RUFY1: variants seen among roughly 807,000 people sequenced by gnomAD.
The protein encoded by RUFY1 is RUN and FYVE domain-containing protein 1.
RUFY1 carries 54 observed loss-of-function variants against 94.6 expected under a neutral mutation model. That is an observed-to-expected ratio of 0.57 (90% CI 0.46 to 0.72). The LOEUF is 0.72. RUFY1 is among the 30% of genes least tolerant of loss of function. The pLI is 0.00. For missense variants in RUFY1, 883 were observed against 883.9 expected, an observed-to-expected ratio of 1.00 and a Z score of 0.01; for synonymous variants, 396 against 347.3, an observed-to-expected ratio of 1.14 and a Z score of -1.56.
intron 11 of RUFY1, among the ~76,000 whole-genome samples, 164 bp downstream of exon 11, chr5:179,593,809 G>C (rs1334886511): frequency 6.6e-6 from 1 of 152,162 alleles, no homozygotes; most frequent in Non-Finnish European, 1.5e-5. Context: ...CAGTCCCTGA[G>C]AAATGGGGGG....
At chr5:179,606,360 G>A (rs1447400602) in intron 16 of RUFY1, 2 of 184,644 alleles carry the variant, frequency 1.1e-5, no homozygotes, top group Non-Finnish European at 2.2e-5. Flanking sequence ...CCAGGTTTCC[G>A]CACCCTGGTG....
At chr5:179,580,274 G>A (rs1581482684) in intron 6 of RUFY1, among the ~76,000 whole-genome samples, 1 of 109,992 alleles carries the variant, frequency 9.1e-6, no homozygotes, top group South Asian at 2.8e-4. Context: ...ACGGAGTCTC[G>A]CTCTGTCGCC....
At chr5:179,601,282 C>T (rs1278009430) in intron 14 of RUFY1, among the ~76,000 whole-genome samples, 4 of 151,946 alleles carry the variant, frequency 2.6e-5, no homozygotes, top group Non-Finnish European at 5.9e-5. Context: ...AGTTCTCTTG[C>T]CTCAGCCTCC....
chr5:179,585,977 CT>C, intron 8 of RUFY1, 112 bp downstream of exon 8: 1 of 819,116 alleles, frequency 1.2e-6, no homozygotes, highest in Non-Finnish European at 2.1e-6. Flanking sequence ...AGGGGACTTG[CT>C]AGCCTCCAGC....
At chr5:179,596,767 A>C in intron 13 of RUFY1, 86 bp downstream of exon 13, 3 of 303,050 alleles carry the variant, frequency 9.9e-6, no homozygotes, top group East Asian at 1.3e-4. Flanking sequence ...CTGCTTCAGC[A>C]CGAACGGGAG....
chr5:179,550,580 G>A lies in RUFY1; in HGVS notation c.11G>A (p.Arg4Gln), dbSNP rs1761763932. 4.5e-6 allele frequency: 5 copies of A among 1,104,868 alleles called. No individual in the cohort carries two copies. The highest frequency in any genetic ancestry group is 5.6e-6 in the Non-Finnish European group (5 of 891,640). 68.4% of individuals were successfully genotyped at this position (1,104,868 alleles called of 1,614,324 possible). The change falls in exon 1 of 18, where the codon CGG (arginine) becomes CAG (glutamine). Residue 4 changes from arginine (R) to glutamine (Q), a missense_variant. Arg to Gln is a conservative substitution (Grantham distance 43, BLOSUM62 1). Transcript: ENST00000319449. ...CATGACACGGCCAAGATGGCCGACC[G>A]GGAAGGCGGCTGCGCTGCTGGGCGG... is the stretch of plus-strand genomic sequence containing the variant. MAD[R>Q]EGGCAAGRGR... is the part of the protein sequence containing the mutation.
chr5:179,573,636 C>T (rs951545179), intron 5 of RUFY1, among the ~76,000 whole-genome samples: 3 of 152,124 alleles, frequency 2.0e-5, no homozygotes, highest in African/African-American at 4.8e-5. Context: ...GATTCTCCTG[C>T]CTCAGCCTCC....
intron 15 of RUFY1, among the ~76,000 whole-genome samples, chr5:179,603,083 C>T (rs758230644): frequency 1.3e-5 from 2 of 152,108 alleles, no homozygotes; most frequent in Non-Finnish European, 2.9e-5. Context: ...GCCTGGCCAA[C>T]ATAGTGAAGC....
intron 6 of RUFY1, among the ~76,000 whole-genome samples, chr5:179,577,830 C>A (rs1296821189): frequency 1.4e-5 from 2 of 138,576 alleles, no homozygotes; most frequent in Admixed American, 7.6e-5. Flanking sequence ...CCCCGCCTGC[C>A]GAACGGGTAA....
intron 3 of RUFY1, among the ~76,000 whole-genome samples, chr5:179,565,475 G>T (rs1762773020): frequency 6.6e-6 from 1 of 151,788 alleles, no homozygotes. Context: ...CACCACACCT[G>T]GCCTACTTTC....
intron 7 of RUFY1, among the ~76,000 whole-genome samples, chr5:179,581,445 T>TA (rs1764154999): frequency 6.6e-6 from 1 of 151,436 alleles, no homozygotes. Flanking sequence ...TTGATTTTTT[T>TA]TTTTTTTTTT....
At chr5:179,566,499 G>A (rs548179284) in intron 3 of RUFY1, among the ~76,000 whole-genome samples, 10 of 151,808 alleles carry the variant, frequency 6.6e-5, no homozygotes, top group African/African-American at 1.2e-4. Context: ...CCAGCTACTC[G>A]GGAGGCTGAG....
intron 1 of RUFY1, among the ~76,000 whole-genome samples, chr5:179,552,607 G>A (rs892847323): frequency 6.6e-6 from 1 of 152,152 alleles, no homozygotes; most frequent in Non-Finnish European, 1.5e-5. Context: ...TGGATGCTGA[G>A]TTGCATACTC....
At chr5:179,588,434 T>G (rs1436244334) in intron 8 of RUFY1, among the ~76,000 whole-genome samples, 2 of 152,198 alleles carry the variant, frequency 1.3e-5, no homozygotes, top group African/African-American at 4.8e-5. Context: ...TTGCCTCTTG[T>G]GACAGCCTCT....
chr5:179,587,942 C>T (rs1764744086), intron 8 of RUFY1, among the ~76,000 whole-genome samples: 1 of 152,000 alleles, frequency 6.6e-6, no homozygotes, highest in Non-Finnish European at 1.5e-5. Flanking sequence ...GTGAGAGGAT[C>T]ACTTGAGCCT....
rs1761800874 is a variant in RUFY1 at position 179,550,877 on chromosome 5, C to G, written c.308C>G (p.Ala103Gly). The G allele has an allele frequency of 2.6e-6, 3 of 1,163,048 alleles. No individual in the cohort carries two copies. The highest frequency in any genetic ancestry group is 3.2e-6 in the Non-Finnish European group (3 of 946,698). The allele number at this position is 1,163,048 out of a possible 1,614,324, so 72.0% of individuals were successfully genotyped here. The part of the protein sequence containing the change: ...GGDSGDGTAR[A>G]ASKCQMMEER... ...GACAGCGGGGACGGCACGGCGCGCG[C>G]AGGTAGGCTCGGGCCGGGTCTGTCC... Residue 103 changes from alanine to glycine, a missense_variant and splice_region_variant, in exon 1 of 18, where the codon GCA (alanine) becomes GGA (glycine). Ala to Gly is a moderately conservative substitution (Grantham distance 60). Coordinates refer to ENST00000319449, the MANE Select transcript of RUFY1 (RefSeq NM_025158.5).
intron 7 of RUFY1, among the ~76,000 whole-genome samples, chr5:179,584,544 T>C (rs1465237848): frequency 6.6e-6 from 1 of 152,092 alleles, no homozygotes; most frequent in Non-Finnish European, 1.5e-5. Context: ...TTTGGGAGGC[T>C]GGGGCAGGAG....
At chr5:179,572,249 G>T in intron 5 of RUFY1, 1 of 271,832 alleles carries the variant, frequency 3.7e-6, no homozygotes, top group Non-Finnish European at 7.5e-6. Context: ...GAAGCTGTGG[G>T]CTACAAAGGG....
intron 9 of RUFY1, among the ~76,000 whole-genome samples, chr5:179,590,391 A>C (rs1764966168): frequency 1.3e-5 from 2 of 151,784 alleles, no homozygotes; most frequent in South Asian, 4.2e-4. Context: ...TTGACTTCTA[A>C]ATTCACTCAG....
Sources: gnomAD v4.1 joint callset for allele counts (sites outside exome capture counted in the v4.1 genomes callset) on GRCh38, gnomAD v4.1.1 for gene constraint, MANE v1.5 for transcripts, NCBI Gene and HGNC (gene_info 2026-07-23, HGNC 2026-07-21) for gene names.